Variants in CAMTA1 observed in about 807,000 individuals in gnomAD.
CAMTA1 encodes calmodulin-binding transcription activator 1.
A neutral mutation model predicts 170.9 loss-of-function variants in CAMTA1; 27 were observed. That is an observed-to-expected ratio of 0.16 (90% CI 0.12 to 0.22). CAMTA1 has a LOEUF of 0.22. CAMTA1 is among the 10% of genes least tolerant of loss of function. CAMTA1 has a pLI of 1.00. For missense variants in CAMTA1, 1,619 were observed against 2,217.2 expected (o/e 0.73, Z 5.42); for synonymous variants, 833 against 891.5 (o/e 0.93, Z 1.17).
At chr1:6,885,984 G>C (rs1290986560) in intron 3 of CAMTA1, among the ~76,000 whole-genome samples, 1 of 152,180 alleles carries the variant, frequency 6.6e-6, no homozygotes, top group Non-Finnish European at 1.5e-5. Context: ...TGCTTCCCAT[G>C]TCCTGTGCGG....
intron 5 of CAMTA1, among the ~76,000 whole-genome samples, chr1:7,303,024 C>A: frequency 6.6e-6 from 1 of 152,142 alleles, no homozygotes. Flanking sequence ...GTGTCTGTGT[C>A]CTCATTCATG....
intron 3 of CAMTA1, among the ~76,000 whole-genome samples, chr1:6,972,147 A>C (rs1411372971): frequency 6.6e-6 from 1 of 152,112 alleles, no homozygotes; most frequent in African/African-American, 2.4e-5. Context: ...AGGTTTGCTA[A>C]GGCAGGGGGG....
At chr1:7,607,549 G>A (rs2095496110) in intron 6 of CAMTA1, among the ~76,000 whole-genome samples, 1 of 151,892 alleles carries the variant, frequency 6.6e-6, no homozygotes, top group Admixed American at 6.6e-5. Flanking sequence ...GAGTGGATGG[G>A]TAGTGCATAT....
intron 3 of CAMTA1, among the ~76,000 whole-genome samples, chr1:6,873,339 C>A (rs1668931610): frequency 6.6e-6 from 1 of 151,766 alleles, no homozygotes. Context: ...TAAGTATGTC[C>A]TTTATTTGTT....
intron 3 of CAMTA1, among the ~76,000 whole-genome samples, chr1:6,925,244 C>T (rs948963754): frequency 4.6e-5 from 7 of 152,214 alleles, no homozygotes; most frequent in Non-Finnish European, 1.0e-4. Flanking sequence ...CGCCTTGGCC[C>T]AGGCCTCTTT....
intron 3 of CAMTA1, among the ~76,000 whole-genome samples, chr1:6,950,399 G>T (rs566740265): frequency 6.6e-6 from 1 of 152,276 alleles, no homozygotes; most frequent in Non-Finnish European, 1.5e-5. Flanking sequence ...AGAGCTTTGG[G>T]ACTTTGAATG....
At chr1:7,045,519 T>C (rs945657891) in intron 3 of CAMTA1, among the ~76,000 whole-genome samples, 2 of 152,242 alleles carry the variant, frequency 1.3e-5, no homozygotes, top group African/African-American at 2.4e-5. Context: ...CTTTAAACTT[T>C]ATATATATCT....
intron 4 of CAMTA1, among the ~76,000 whole-genome samples, chr1:7,157,081 C>T (rs1015018747): frequency 7.2e-5 from 11 of 152,100 alleles, no homozygotes; most frequent in Non-Finnish European, 1.5e-4. Flanking sequence ...CGGTGACTCA[C>T]GCCTGTAATC....
intron 7 of CAMTA1, among the ~76,000 whole-genome samples, chr1:7,651,667 G>T (rs1218865535): frequency 6.6e-6 from 1 of 152,272 alleles, no homozygotes; most frequent in African/African-American, 2.4e-5. Flanking sequence ...TCAGAATCCA[G>T]GGGTGGGGCC....
At chr1:6,854,205 ATGTCATAG>A (rs770477559) in intron 3 of CAMTA1, among the ~76,000 whole-genome samples, 1 of 152,156 alleles carries the variant, frequency 6.6e-6, no homozygotes, top group Admixed American at 6.5e-5. Context: ...TCTCGTAGGG[ATGTCATAG>A]TGTCATAGTG....
chr1:7,499,700 G>T (rs2093942262), intron 6 of CAMTA1, among the ~76,000 whole-genome samples: 2 of 140,152 alleles, frequency 1.4e-5, no homozygotes, highest in African/African-American at 5.3e-5. Context: ...GCGTGCATAT[G>T]TATATGAGTG....
At chr1:7,573,072 G>T (rs1004227621) in intron 6 of CAMTA1, among the ~76,000 whole-genome samples, 11 of 152,152 alleles carry the variant, frequency 7.2e-5, no homozygotes, top group African/African-American at 2.7e-4. Context: ...GGTTCAGAAG[G>T]GTTTACTCCT....
At chr1:6,899,540 G>GCA (rs749961823) in intron 3 of CAMTA1, among the ~76,000 whole-genome samples, 1 of 93,832 alleles carries the variant, frequency 1.1e-5, no homozygotes, top group Non-Finnish European at 2.1e-5. Flanking sequence ...TGTGTATAAC[G>GCA]CGCACGCGCG....
At chr1:7,326,661 A>G (rs944956399) in intron 5 of CAMTA1, among the ~76,000 whole-genome samples, 2 of 152,192 alleles carry the variant, frequency 1.3e-5, no homozygotes, top group African/African-American at 2.4e-5. Flanking sequence ...CTGAAACGAG[A>G]TAAGAAAAGA....
chr1:7,276,297 A>ATTTTTTTTTTTT (rs1431072819), intron 5 of CAMTA1, among the ~76,000 whole-genome samples: 9 of 21,554 alleles, frequency 4.2e-4, no homozygotes, highest in African/African-American at 4.0e-3. Flanking sequence ...ATATATATAT[A>ATTTTTTTTTTTT]TATATATTTT....
intron 5 of CAMTA1, among the ~76,000 whole-genome samples, chr1:7,382,927 T>C (rs1214439619): frequency 6.6e-6 from 1 of 152,188 alleles, no homozygotes; most frequent in Non-Finnish European, 1.5e-5. Flanking sequence ...ATGCTTTCCT[T>C]TTGCCAATGA....
intron 3 of CAMTA1, among the ~76,000 whole-genome samples, chr1:7,089,208 G>A (rs914293440): frequency 1.3e-5 from 2 of 152,124 alleles, no homozygotes; most frequent in Admixed American, 6.5e-5. Context: ...GAACTGCCTC[G>A]TGAGCTGATA....
chr1:7,076,119 G>A (rs774928333), intron 3 of CAMTA1, among the ~76,000 whole-genome samples: 9 of 152,170 alleles, frequency 5.9e-5, no homozygotes, highest in Non-Finnish European at 1.3e-4. Context: ...ATGAGGATAA[G>A]GATAATGCAT....
At chr1:7,386,482 C>T (rs2088004409) in intron 5 of CAMTA1, among the ~76,000 whole-genome samples, 1 of 152,192 alleles carries the variant, frequency 6.6e-6, no homozygotes, top group Non-Finnish European at 1.5e-5. Context: ...ATGGCTGGGC[C>T]CTCAGCCTGC....
Sources: allele counts gnomAD v4.1 joint callset (sites outside exome capture counted in the v4.1 genomes callset), GRCh38; gene constraint gnomAD v4.1.1; transcripts MANE v1.5; gene names NCBI Gene and HGNC (gene_info 2026-07-23, HGNC 2026-07-21).